The following LPP variants were observed in gnomAD, a reference collection of about 807,000 sequenced individuals.
LPP encodes LIM domain containing preferred translocation partner in lipoma.
Under a neutral mutation model 60.4 loss-of-function variants are expected in LPP, and 38 were observed. The observed-to-expected ratio is 0.63, with a 90% CI of 0.49 to 0.83. The LOEUF (loss-of-function observed/expected upper bound fraction) is 0.83, where lower values mean the gene tolerates loss of function less well. Among genes scored for constraint, LPP ranks in the 40% least tolerant of loss-of-function variants. The probability of loss-of-function intolerance (pLI) is 0.00; values close to 1 mark genes in which losing one functional copy is unlikely to be tolerated. For missense variants in LPP, 902 were observed against 783.6 expected (o/e 1.15, Z -1.80); for synonymous variants, 328 against 290.8 (o/e 1.13, Z -1.30).
chr3:188,509,659 T>G lies in LPP; in HGVS notation c.307-15006T>G, dbSNP rs1167131749. On this transcript the variant is annotated intron_variant, in intron 5 of 11. Transcript: ENST00000617246. ...CTTCCTTCCTTCCTTCCTTCCTTCC[T>G]TCCTTCCTTCCTTCCTTCCTTCCTT... Among the ~76,000 whole-genome samples the G allele has an allele frequency of 1.7e-4, 6 of 34,338 alleles. 1 individual carries two copies. Among genetic ancestry groups the G allele is most frequent in the Admixed American group, 4.7e-4 (2 of 4,274 alleles). 22.5% of individuals were successfully genotyped at this position (34,338 alleles called of 152,430 possible). A position where few individuals can be genotyped will look rare whatever the true frequency, so the allele number is the denominator to read the frequency against.
chr3:188,475,911 A>G (rs964666980), intron 4 of LPP, among the ~76,000 whole-genome samples: 4 of 152,142 alleles, frequency 2.6e-5, no homozygotes, highest in African/African-American at 9.7e-5. Flanking sequence ...TCAAAAACAA[A>G]CAAACAAACA....
chr3:188,792,083 C>CT (rs1245508815), intron 9 of LPP, among the ~76,000 whole-genome samples: 1 of 152,166 alleles, frequency 6.6e-6, no homozygotes, highest in East Asian at 1.9e-4. Flanking sequence ...GGCTGTCCTT[C>CT]TTCCCACTGC....
chr3:188,740,021 G>T (rs1723863533), intron 8 of LPP, among the ~76,000 whole-genome samples: 1 of 152,108 alleles, frequency 6.6e-6, no homozygotes, highest in South Asian at 2.1e-4. Flanking sequence ...TGTGCCTTTT[G>T]TTTCTCAAGA....
At chr3:188,462,129 G>A (rs1029328432) in intron 4 of LPP, among the ~76,000 whole-genome samples, 11 of 151,866 alleles carry the variant, frequency 7.2e-5, no homozygotes, top group South Asian at 6.2e-4. Flanking sequence ...TTCCTTTCAC[G>A]TTTGTAAACT....
At chr3:188,632,720 G>T (rs1848059685) in intron 7 of LPP, among the ~76,000 whole-genome samples, 1 of 152,154 alleles carries the variant, frequency 6.6e-6, no homozygotes, top group Non-Finnish European at 1.5e-5. Context: ...TTTTCACTAA[G>T]ACTCTACGTT....
intron 6 of LPP, among the ~76,000 whole-genome samples, chr3:188,584,005 G>A (rs1288265995): frequency 1.3e-5 from 2 of 152,062 alleles, no homozygotes; most frequent in Admixed American, 6.6e-5. Context: ...CCTGCCCCCT[G>A]CTCCCCCATA....
chr3:188,189,762 C>T (rs1177871948), intron 1 of LPP, among the ~76,000 whole-genome samples: 1 of 152,112 alleles, frequency 6.6e-6, no homozygotes, highest in African/African-American at 2.4e-5. Flanking sequence ...ATGTGGTTGG[C>T]TCCAACTGTG....
chr3:188,698,484 C>G (rs1432435168), intron 7 of LPP, among the ~76,000 whole-genome samples: 1 of 151,908 alleles, frequency 6.6e-6, no homozygotes, highest in Middle Eastern at 3.2e-3. Flanking sequence ...TCTTCTCACC[C>G]CACCGAGAAA....
intron 4 of LPP, among the ~76,000 whole-genome samples, chr3:188,426,701 A>C (rs1789453831): frequency 6.6e-6 from 1 of 152,116 alleles, no homozygotes; most frequent in African/African-American, 2.4e-5. Context: ...CTTTACCATT[A>C]TATAATGGCC....
Position 188,610,000 on chromosome 3 carries a change from G to C in LPP, c.1113+156G>C, listed in dbSNP as rs1843356353. 6.6e-6 allele frequency among the ~76,000 whole-genome samples: 1 copy of C among 152,146 alleles called. No homozygotes were observed. The highest frequency in any genetic ancestry group is 1.5e-5 in the Non-Finnish European group (1 of 68,028). Reference sequence around the variant, plus strand: ...AGGATGAGTGAAGCCAGAGAGGAGAGAGAGACTACTTAGTATGTTACTAAT... The same window carrying C: ...AGGATGAGTGAAGCCAGAGAGGAGACAGAGACTACTTAGTATGTTACTAAT... On this transcript the variant is annotated intron_variant, in intron 7 of 11. Transcript: ENST00000617246. The surrounding 1 kb of genome is among the most constrained non-coding windows in gnomAD (Gnocchi z 6.9).
At chr3:188,373,947 C>T (rs1482131121) in intron 3 of LPP, among the ~76,000 whole-genome samples, 1 of 152,070 alleles carries the variant, frequency 6.6e-6, no homozygotes, top group Non-Finnish European at 1.5e-5. Context: ...TTCCCCAGCA[C>T]CATTTATTAA....
At chr3:188,440,813 T>G (rs899404943) in intron 4 of LPP, among the ~76,000 whole-genome samples, 12 of 152,098 alleles carry the variant, frequency 7.9e-5, no homozygotes, top group Non-Finnish European at 1.6e-4. Flanking sequence ...TTACATATCT[T>G]TACCTCCTTC....
At chr3:188,626,768 G>A (rs1337224600) in intron 7 of LPP, among the ~76,000 whole-genome samples, 1 of 152,042 alleles carries the variant, frequency 6.6e-6, no homozygotes, top group Admixed American at 6.6e-5. Flanking sequence ...GTCACAATCT[G>A]ATATACTAGG....
intron 4 of LPP, among the ~76,000 whole-genome samples, chr3:188,416,429 C>T (rs1421716516): frequency 6.6e-6 from 1 of 152,162 alleles, no homozygotes; most frequent in Non-Finnish European, 1.5e-5. Flanking sequence ...AAAAATAAAA[C>T]AGAACTTCCC....
chr3:188,422,675 C>T (rs1054745104), intron 4 of LPP, among the ~76,000 whole-genome samples: 7 of 152,046 alleles, frequency 4.6e-5, no homozygotes, highest in Non-Finnish European at 8.8e-5. Flanking sequence ...TATAGTTATC[C>T]CATGCAGAGC....
chr3:188,460,431 G>T (rs1398177240), intron 4 of LPP, among the ~76,000 whole-genome samples: 1 of 152,298 alleles, frequency 6.6e-6, no homozygotes, highest in East Asian at 1.9e-4. Flanking sequence ...TCCAGGAGAA[G>T]TTGGGACTTG....
At chr3:188,354,357 T>C (rs1327583022) in intron 3 of LPP, among the ~76,000 whole-genome samples, 2 of 152,194 alleles carry the variant, frequency 1.3e-5, no homozygotes, top group Non-Finnish European at 2.9e-5. Context: ...ATTTGAATAA[T>C]AATGGCATAA....
At chr3:188,475,793 C>T (rs963318923) in intron 4 of LPP, among the ~76,000 whole-genome samples, 1 of 152,160 alleles carries the variant, frequency 6.6e-6, no homozygotes, top group Non-Finnish European at 1.5e-5. Context: ...GTCCCAGCTA[C>T]TCGGGAGGCT....
intron 7 of LPP, among the ~76,000 whole-genome samples, chr3:188,684,117 T>C (rs755558228): frequency 1.3e-5 from 2 of 152,258 alleles, no homozygotes; most frequent in South Asian, 4.1e-4. Context: ...ATAACCATTC[T>C]TACTGCACTG....
Sources: gnomAD v4.1 joint callset for allele counts (sites outside exome capture counted in the v4.1 genomes callset) on GRCh38, gnomAD v4.1.1 for gene constraint, Gnocchi (gnomAD v3.1) non-coding constraint, MANE v1.5 for transcripts, NCBI Gene and HGNC (gene_info 2026-07-23, HGNC 2026-07-21) for gene names.